RESF1: variants seen among roughly 807,000 people sequenced by gnomAD.
The protein encoded by RESF1 is retroelement silencing factor 1.
RESF1 carries 65 observed loss-of-function variants against 134.7 expected under a neutral mutation model. The observed-to-expected ratio is 0.48, with a 90% CI of 0.40 to 0.59. RESF1 has a LOEUF of 0.59. Ranked by LOEUF, RESF1 falls within the 20% of genes least tolerant of loss-of-function variation. The probability of loss-of-function intolerance (pLI) is 0.00; values close to 1 mark genes in which losing one functional copy is unlikely to be tolerated. For missense variants in RESF1, 2,274 were observed against 2,002.7 expected (o/e 1.14, Z -2.59); for synonymous variants, 762 against 702.2 (o/e 1.09, Z -1.35).
intron 5 of RESF1, among the ~76,000 whole-genome samples, chr12:31,991,742 G>A (rs1343557405): frequency 6.6e-6 from 1 of 152,114 alleles, no homozygotes. Context: ...GTCAAAACAG[G>A]GTTTCGCCAT....
At position 31,982,187 on chromosome 12, in the gene RESF1, C is replaced by G. The variant is rs779845140; in HGVS notation, c.1232C>G (p.Ala411Gly). ...VEIKQKFSEL[A>G]RKIKINKDLL... ...ATAAAACAGAAGTTTTCAGAACTTG[C>G]AAGGAAAATTAAAATCAATAAAGAT... The change falls in exon 4 of 6, where the codon GCA becomes GGA. Residue 411 changes from alanine to glycine, a missense_variant. Ala to Gly is a moderately conservative substitution (Grantham distance 60). Coordinates refer to ENST00000312561, the MANE Select transcript of RESF1 (RefSeq NM_018169.4). 26 of 1,610,964 alleles carry G rather than the reference C, an allele frequency of 1.6e-5. No homozygotes were observed. The highest frequency in any genetic ancestry group is 1.7e-6 in the Non-Finnish European group (2 of 1,179,302).
rs541878824 is a variant in RESF1, at chr12:31,960,766, G to C, written c.-341-11G>C. 6.6e-6 allele frequency: 1 copy of C among 152,142 alleles called. No homozygotes were observed. Among genetic ancestry groups the C allele is most frequent in the African/African-American group, 2.4e-5 (1 of 41,430 alleles). The allele number at this position is 152,142 out of a possible 1,614,324, so 9.4% of individuals were successfully genotyped here. The stretch of plus-strand genomic sequence containing the variant: ...GCTCTTTTATTATAAAATGTTTCTT[G>C]CTGTCCCTAGGACCAAAGAAGTAAA... On this transcript the variant is annotated splice_polypyrimidine_tract_variant and intron_variant, in intron 1 of 5. Coordinates refer to ENST00000312561, the MANE Select transcript of RESF1 (RefSeq NM_018169.4).
Position 31,983,711 on chromosome 12 carries a change from A to G in RESF1, c.2756A>G (p.Lys919Arg), listed in dbSNP as rs998905641. The change falls in exon 4 of 6, where the codon AAA (lysine) becomes AGA (arginine). Residue 919 changes from lysine to arginine, a missense_variant. By Grantham distance (26) the Lys-to-Arg change is conservative. Coordinates refer to ENST00000312561, the MANE Select transcript of RESF1 (RefSeq NM_018169.4). ...IAKIFSSLPL[K>R]MVEPQKPSLP... Reference sequence around the variant, plus strand: ...AAGATATTCAGCTCTCTTCCCTTGAAAATGGTTGAGCCACAGAAACCTTCT... The same window carrying G: ...AAGATATTCAGCTCTCTTCCCTTGAGAATGGTTGAGCCACAGAAACCTTCT... 6.2e-7 allele frequency: 1 copy of G among 1,613,778 alleles called. No homozygotes were observed. Among genetic ancestry groups the G allele is most frequent in the African/African-American group, 1.3e-5 (1 of 74,918 alleles).
At chr12:31,959,546 G>GCGGGGGC (rs1939201806) in intron 1 of RESF1, 55 bp downstream of exon 1, 1 of 152,400 alleles carries the variant, frequency 6.6e-6, no homozygotes, top group Admixed American at 6.5e-5. Context: ...TCCGGGCGGG[G>GCGGGGGC]CGGGGGCCGG....
At chr12:31,988,461 G>C (rs370321419) in intron 5 of RESF1, among the ~76,000 whole-genome samples, 1 of 152,084 alleles carries the variant, frequency 6.6e-6, no homozygotes, top group Non-Finnish European at 1.5e-5. Flanking sequence ...AGGTATGTGT[G>C]GGGGGTATGC....
Position 31,983,352 on chromosome 12 carries a change from T to C in RESF1, c.2397T>C (p.Ser799=), listed in dbSNP as rs761887952. The C allele has an allele frequency of 6.2e-7, 1 of 1,613,946 alleles. No homozygotes were observed. The highest frequency in any genetic ancestry group is 1.3e-5 in the African/African-American group (1 of 74,924). ...YPVIKEGSVC[S]LQNQLAENAK... The stretch of plus-strand genomic sequence containing the variant: ...TTATTAAAGAAGGCAGTGTTTGTAG[T>C]TTACAAAATCAATTGGCAGAAAATG... The change falls in exon 4 of 6, where the codon AGT becomes AGC. Residue 799 remains serine (S), a synonymous_variant. Coordinates refer to ENST00000312561, the MANE Select transcript of RESF1 (RefSeq NM_018169.4).
rs1592261225 is a variant in RESF1 at position 31,982,355 on chromosome 12, G to C, written c.1400G>C (p.Arg467Thr). The C allele has an allele frequency of 1.2e-6, 2 of 1,614,116 alleles. No individual in the cohort carries two copies. The highest frequency in any genetic ancestry group is 1.1e-5 in the South Asian group (1 of 91,080). ...CCAGTAATGCCAGAGAATGCAGAGA[G>C]ACAAACACCAACAGTAGTGGAATCT... ...ITPVMPENAE[R>T]QTPTVVESAE... The change falls in exon 4 of 6, where the codon AGA (arginine) becomes ACA (threonine). Residue 467 changes from arginine (R) to threonine (T), a missense_variant. Coordinates refer to ENST00000312561, the MANE Select transcript of RESF1 (RefSeq NM_018169.4).
At position 31,992,326 on chromosome 12, in the gene RESF1, G is replaced by A; in HGVS notation, c.5087-52G>A. On this transcript the variant is annotated intron_variant, in intron 5 of 5. Coordinates refer to ENST00000312561, the MANE Select transcript of RESF1 (RefSeq NM_018169.4). ...TCCCTCTGAATTTTGATTATATATT[G>A]ATCACAGCTAACATTGAGAAATAAA... 4 of 1,444,948 alleles carry A rather than the reference G, an allele frequency of 2.8e-6. No individual in the cohort carries two copies. The South Asian group carries it at 4.9e-5, about 18-fold the overall frequency. 89.5% of individuals were successfully genotyped at this position (1,444,948 alleles called of 1,614,324 possible).
At position 31,985,790 on chromosome 12, in the gene RESF1, G is replaced by A; in HGVS notation, c.4835G>A (p.Arg1612Lys). The A allele has an allele frequency of 1.3e-6, 2 of 1,567,328 alleles. No individual in the cohort carries two copies. The highest frequency in any genetic ancestry group is 1.7e-6 in the Non-Finnish European group (2 of 1,164,664). The change falls in exon 4 of 6, where the codon AGA (arginine) becomes AAA (lysine). Residue 1612 changes from arginine to lysine, a missense_variant. Physicochemically the swap from Arg to Lys is conservative, Grantham distance 26. Coordinates refer to ENST00000312561, the MANE Select transcript of RESF1 (RefSeq NM_018169.4). The part of the protein sequence containing the change: ...SSPRKLHKDK[R>K]QENKHKTFLP... ...CCCAGGAAGCTTCATAAAGATAAGAGACAGGAAAATAAACATAAGACCTTT... is the reference window on the plus strand; with the variant it reads ...CCCAGGAAGCTTCATAAAGATAAGAAACAGGAAAATAAACATAAGACCTTT...
intron 2 of RESF1, among the ~76,000 whole-genome samples, chr12:31,962,156 T>C (rs1939284669): frequency 6.6e-6 from 1 of 151,208 alleles, no homozygotes; most frequent in Admixed American, 6.6e-5. Flanking sequence ...AGGTGGAGGT[T>C]GCAGTGACCT....
rs1443855550 is a variant in RESF1, at chr12:31,983,184, C to T, written c.2229C>T (p.His743=). Residue 743 remains histidine, a synonymous_variant, in exon 4 of 6, where the codon CAC becomes CAT. Coordinates refer to ENST00000312561, the MANE Select transcript of RESF1 (RefSeq NM_018169.4). ...SQQTALSMVM[H]NYESSGINIT... Reference sequence around the variant, plus strand: ...AGACAGCTTTGTCGATGGTAATGCACAATTATGAGTCTTCAGGTATAAATA... The same window carrying T: ...AGACAGCTTTGTCGATGGTAATGCATAATTATGAGTCTTCAGGTATAAATA... The T allele has an allele frequency of 6.2e-7, 1 of 1,611,154 alleles. No individual in the cohort carries two copies. Among genetic ancestry groups the T allele is most frequent in the East Asian group, 2.2e-5 (1 of 44,868 alleles).
At chr12:31,973,843 A>G (rs150033979) in intron 3 of RESF1, among the ~76,000 whole-genome samples, 82 of 152,238 alleles carry the variant, frequency 5.4e-4, no homozygotes, top group Non-Finnish European at 1.0e-3. Context: ...CCCATCCGCA[A>G]ACTGTTTTCC....
Position 31,981,384 on chromosome 12 carries a change from A to G in RESF1, c.429A>G (p.Gly143=), listed in dbSNP as rs776742566. ...GATVSHQTDF[G]ANVPNMPALQ... is the part of the protein sequence containing the mutation. ...CTGTATCTCATCAAACTGATTTTGG[A>G]GCTAACGTACCCAATATGCCGGCAC... Residue 143 remains glycine (G), a synonymous_variant, in exon 4 of 6, where the codon GGA becomes GGG. Coordinates refer to ENST00000312561, the MANE Select transcript of RESF1 (RefSeq NM_018169.4). 5 of 1,614,116 alleles carry G rather than the reference A, an allele frequency of 3.1e-6. No homozygotes were observed. In the South Asian group the frequency reaches 5.5e-5, roughly 18 times the overall value.
At chr12:31,991,305 G>T (rs1264984376) in intron 5 of RESF1, among the ~76,000 whole-genome samples, 1 of 151,880 alleles carries the variant, frequency 6.6e-6, no homozygotes, top group Non-Finnish European at 1.5e-5. Context: ...GAAATGACAA[G>T]AATTTCTTGG....
At chr12:31,970,530 C>T (rs1939483055) in intron 3 of RESF1, among the ~76,000 whole-genome samples, 174 bp downstream of exon 3, 2 of 152,180 alleles carry the variant, frequency 1.3e-5, no homozygotes, top group Admixed American at 1.3e-4. Context: ...TATTTTGATG[C>T]TCTTTTAGGT....
Position 31,982,924 on chromosome 12 carries a change from AC to A in RESF1, c.1970del (p.Thr657LysfsTer17). 1.2e-6 allele frequency: 2 copies of A among 1,614,118 alleles called. No homozygotes were observed. Among genetic ancestry groups the A allele is most frequent in the Non-Finnish European group, 1.7e-6 (2 of 1,180,008 alleles). ...NSFCSGQESS[T>X]KGMPAKSDSS... ...CTTTTGCAGTGGACAAGAATCCTCA[AC>A]AAAAGGAATGCCTGCTAAAAGTGAC... On this transcript the variant is annotated frameshift_variant, in exon 4 of 6. Coordinates refer to ENST00000312561, the MANE Select transcript of RESF1 (RefSeq NM_018169.4). LOFTEE classifies it high-confidence loss of function.
At chr12:31,986,021 C>A in intron 4 of RESF1, 64 bp downstream of exon 4, 1 of 1,100,210 alleles carries the variant, frequency 9.1e-7, no homozygotes, top group Non-Finnish European at 1.2e-6. Context: ...AATATTTGGG[C>A]TAGCACCTCT....
At position 31,984,772 on chromosome 12, in the gene RESF1, G is replaced by C. The variant is rs1939920824; in HGVS notation, c.3817G>C (p.Glu1273Gln). The C allele has an allele frequency of 1.2e-6, 2 of 1,612,120 alleles. No individual in the cohort carries two copies. Among genetic ancestry groups the C allele is most frequent in the African/African-American group, 1.3e-5 (1 of 74,850 alleles). ...TAAAAGCTTACCAAGGACAGAACAA[G>C]AATTAGTTGCTGGTCAGTTTTCATC... Reference protein sequence around the residue: ...KHKSLPRTEQELVAGQFSSKC... With the variant: ...KHKSLPRTEQQLVAGQFSSKC... Residue 1273 changes from glutamate (E) to glutamine (Q), a missense_variant, in exon 4 of 6, where the codon GAA becomes CAA. Coordinates refer to ENST00000312561, the MANE Select transcript of RESF1 (RefSeq NM_018169.4).
In RESF1 at chr12:31,982,518, T is replaced by G; in HGVS notation, c.1563T>G (p.Asp521Glu). The G allele has an allele frequency of 6.2e-7, 1 of 1,613,642 alleles. No homozygotes were observed. The highest frequency in any genetic ancestry group is 2.2e-5 in the East Asian group (1 of 44,886). ...GGCCAATGCCAGACTCATCTCATGA[T>G]GTGAAAGTTCTCACTTCAAAGACAT... ...EKRPMPDSSH[D>E]VKVLTSKTSA... Residue 521 changes from aspartate to glutamate, a missense_variant, in exon 4 of 6, where the codon GAT becomes GAG. Coordinates refer to ENST00000312561, the MANE Select transcript of RESF1 (RefSeq NM_018169.4).
Sources: gnomAD v4.1 joint callset for allele counts (sites outside exome capture counted in the v4.1 genomes callset) on GRCh38, gnomAD v4.1.1 for gene constraint, MANE v1.5 for transcripts, NCBI Gene and HGNC (gene_info 2026-07-23, HGNC 2026-07-21) for gene names.